Variants in GALNTL6 observed in about 807,000 individuals in gnomAD.
GALNTL6 encodes the protein polypeptide N-acetylgalactosaminyltransferase like 6, also known as polypeptide N-acetylgalactosaminyltransferase-like 6.
GALNTL6 carries 46 observed loss-of-function variants against 73.7 expected under a neutral mutation model. The ratio of observed to expected loss-of-function variants is 0.62; its 90% CI spans 0.49 to 0.80. GALNTL6 has a LOEUF of 0.80. GALNTL6 is among the 30% of genes least tolerant of loss of function. The pLI, the probability that GALNTL6 is intolerant of heterozygous loss-of-function variation, is 0.00. For missense variants in GALNTL6, 604 were observed against 755.0 expected (o/e 0.80, Z 2.34); for synonymous variants, 259 against 263.7 (o/e 0.98, Z 0.17).
intron 5 of GALNTL6, among the ~76,000 whole-genome samples, chr4:172,633,511 C>G (rs147540899): frequency 1.3e-5 from 2 of 152,302 alleles, no homozygotes; most frequent in East Asian, 3.9e-4. Context: ...CCCATTGTAT[C>G]TAGGAAGTAA....
At chr4:172,000,204 A>G (rs1302191557) in intron 2 of GALNTL6, among the ~76,000 whole-genome samples, 1 of 152,210 alleles carries the variant, frequency 6.6e-6, no homozygotes, top group Non-Finnish European at 1.5e-5. Flanking sequence ...CTCAATGATT[A>G]TATAAATAAA....
chr4:172,740,562 C>T (rs923361355), intron 5 of GALNTL6, among the ~76,000 whole-genome samples: 34 of 152,246 alleles, frequency 2.2e-4, no homozygotes, highest in Non-Finnish European at 3.5e-4. Flanking sequence ...GTCACCAAGA[C>T]GCATGCTTTC....
In GALNTL6 at chr4:172,828,944, A is replaced by C. The variant is rs75829328; in HGVS notation, c.923+15221A>C. On this transcript the variant is annotated intron_variant, in intron 7 of 12. Coordinates refer to ENST00000506823, the MANE Select transcript of GALNTL6 (RefSeq NM_001034845.3). The stretch of plus-strand genomic sequence containing the variant: ...ACAGTCCTGGAGGGCAAGAAGTCCT[A>C]AGTCAAGGTGTCGGCGGAGCTATGC... 1.1e-3 allele frequency among the ~76,000 whole-genome samples: 164 copies of C among 152,330 alleles called. 2 individuals carry two copies. In the East Asian group the frequency reaches 0.028, roughly 26 times the overall value.
At chr4:171,996,287 G>C (rs2110748368) in intron 2 of GALNTL6, among the ~76,000 whole-genome samples, 1 of 152,160 alleles carries the variant, frequency 6.6e-6, no homozygotes, top group African/African-American at 2.4e-5. Context: ...CATTTCAAAA[G>C]CAGTAGCTCC....
At chr4:172,668,541 T>C (rs1021039243) in intron 5 of GALNTL6, 2 of 152,162 alleles carry the variant, frequency 1.3e-5, no homozygotes, top group African/African-American at 4.8e-5. Context: ...TATAAGGAGA[T>C]ATTGGGTACC....
chr4:172,455,572 A>C lies in GALNTL6; in HGVS notation c.553+106883A>C, dbSNP rs1427468949. Reference sequence around the variant, plus strand: ...CTTGAGTAGGTGGTTTTCCCTTCACAGTGTAAACAAAGCCACCGGGAAGTT... The same window carrying C: ...CTTGAGTAGGTGGTTTTCCCTTCACCGTGTAAACAAAGCCACCGGGAAGTT... On this transcript the variant is annotated intron_variant, in intron 5 of 12. Coordinates refer to ENST00000506823, the MANE Select transcript of GALNTL6 (RefSeq NM_001034845.3). 2.0e-5 allele frequency among the ~76,000 whole-genome samples: 3 copies of C among 152,140 alleles called. 1 individual carries two copies. The highest frequency in any genetic ancestry group is 7.2e-5 in the African/African-American group (3 of 41,428).
intron 10 of GALNTL6, among the ~76,000 whole-genome samples, chr4:173,002,215 C>T (rs529656657): frequency 7.3e-4 from 111 of 151,526 alleles, no homozygotes; most frequent in African/African-American, 1.5e-3. Flanking sequence ...CATGGTGAAA[C>T]GCTGTCTCTA....
At chr4:172,393,158 G>A (rs1308417375) in intron 5 of GALNTL6, among the ~76,000 whole-genome samples, 1 of 152,088 alleles carries the variant, frequency 6.6e-6, no homozygotes, top group East Asian at 1.9e-4. Context: ...ACTGAGCCCT[G>A]GTGCCAAAAA....
At chr4:171,963,874 G>A (rs937768114) in intron 2 of GALNTL6, among the ~76,000 whole-genome samples, 1 of 152,122 alleles carries the variant, frequency 6.6e-6, no homozygotes, top group African/African-American at 2.4e-5. Flanking sequence ...AGCACTGAAG[G>A]CCCTTTTTAT....
intron 5 of GALNTL6, among the ~76,000 whole-genome samples, chr4:172,569,767 C>T (rs1736692509): frequency 6.6e-6 from 1 of 151,428 alleles, no homozygotes; most frequent in African/African-American, 2.4e-5. Flanking sequence ...GTAGATTCAG[C>T]AGCAAAGCTA....
intron 10 of GALNTL6, among the ~76,000 whole-genome samples, chr4:172,971,161 C>T (rs1242157100): frequency 1.3e-5 from 2 of 152,288 alleles, no homozygotes; most frequent in Non-Finnish European, 2.9e-5. Context: ...CTGTCACCCC[C>T]ATAGGATGAT....
At chr4:172,066,625 T>C (rs1175395449) in intron 2 of GALNTL6, among the ~76,000 whole-genome samples, 2 of 151,818 alleles carry the variant, frequency 1.3e-5, no homozygotes, top group Non-Finnish European at 2.9e-5. Flanking sequence ...GTTTTAGTGA[T>C]ACATGAACTC....
intron 2 of GALNTL6, among the ~76,000 whole-genome samples, chr4:171,817,756 C>T (rs563357454): frequency 6.7e-4 from 101 of 151,578 alleles, no homozygotes; most frequent in African/African-American, 2.4e-3. Context: ...TTTTCCTTTA[C>T]TCTCAGAAAA....
In GALNTL6 at chr4:172,290,938, GAGA is replaced by G. The variant is rs1179743800; in HGVS notation, c.248-20673_248-20671del. The stretch of plus-strand genomic sequence containing the variant: ...AAAAACAAGCAAGAATAAGAAGAAA[GAGA>G]AGGAGAAAAAGAGAAAGAGAAGAAT... On this transcript the variant is annotated intron_variant, in intron 3 of 12. Transcript: ENST00000506823. Among the ~76,000 whole-genome samples the G allele has an allele frequency of 6.6e-5, 10 of 151,800 alleles. No individual in the cohort carries two copies. In the South Asian group the frequency reaches 8.3e-4, roughly 13 times the overall value.
At chr4:172,842,954 C>T (rs1187804740) in intron 7 of GALNTL6, among the ~76,000 whole-genome samples, 2 of 152,148 alleles carry the variant, frequency 1.3e-5, no homozygotes, top group African/African-American at 4.8e-5. Flanking sequence ...ATAACGACTT[C>T]CGCAAGGCTT....
chr4:172,636,795 A>G (rs1172810293), intron 5 of GALNTL6, among the ~76,000 whole-genome samples: 1 of 152,206 alleles, frequency 6.6e-6, no homozygotes, highest in East Asian at 1.9e-4. Flanking sequence ...AACTGCACTC[A>G]TCTAATTAGA....
chr4:172,859,663 A>T (rs1744294258), intron 7 of GALNTL6, among the ~76,000 whole-genome samples: 1 of 152,178 alleles, frequency 6.6e-6, no homozygotes, highest in South Asian at 2.1e-4. Flanking sequence ...AAAAAGCAAA[A>T]AATGAAGGGC....
intron 5 of GALNTL6, among the ~76,000 whole-genome samples, chr4:172,423,472 G>A (rs1015612818): frequency 2.3e-4 from 35 of 151,856 alleles, no homozygotes; most frequent in African/African-American, 7.3e-4. Flanking sequence ...CCTGCCAAGT[G>A]CATTCCTGAT....
At chr4:172,836,933 G>A (rs1742939255) in intron 7 of GALNTL6, among the ~76,000 whole-genome samples, 2 of 152,192 alleles carry the variant, frequency 1.3e-5, no homozygotes, top group South Asian at 4.1e-4. Flanking sequence ...GCACTTCCCT[G>A]TGCATCAATT....
Sources: gnomAD v4.1 joint callset for allele counts (sites outside exome capture counted in the v4.1 genomes callset) on GRCh38, gnomAD v4.1.1 for gene constraint, MANE v1.5 for transcripts, NCBI Gene and HGNC (gene_info 2026-07-23, HGNC 2026-07-21) for gene names.